Variants in DRP2 observed in about 807,000 individuals in gnomAD.
The protein encoded by DRP2 is dystrophin related protein 2, also known as dystrophin-related protein 2.
Under a neutral mutation model 78.2 loss-of-function variants are expected in DRP2, and 29 were observed. The observed-to-expected ratio is 0.37, with a 90% CI of 0.28 to 0.51. The LOEUF is 0.51. Among genes scored for constraint, DRP2 ranks in the 20% least tolerant of loss-of-function variants. The probability of loss-of-function intolerance (pLI) is 0.94; values close to 1 mark genes in which losing one functional copy is unlikely to be tolerated. For missense variants in DRP2, 686 were observed against 770.6 expected, an observed-to-expected ratio of 0.89 and a Z score of 1.30; for synonymous variants, 290 against 281.9, an observed-to-expected ratio of 1.03 and a Z score of -0.29.
At chrX:101,231,795 T>C in intron 3 of DRP2, 31 bp downstream of exon 3, 3 of 1,137,272 alleles carry the variant, frequency 2.6e-6, no homozygotes, top group Non-Finnish European at 2.4e-6. Flanking sequence ...GAAAGACCTG[T>C]GGAGAAAGTG....
At chrX:101,243,601 A>G (rs1250955071) in intron 9 of DRP2, among the ~76,000 whole-genome samples, 1 of 111,566 alleles carries the variant, frequency 9.0e-6, no homozygotes, top group African/African-American at 3.3e-5. Context: ...TTTTTCAACA[A>G]TATTTATTGA....
intron 22 of DRP2, 69 bp downstream of exon 22, chrX:101,258,615 G>A: frequency 1.0e-6 from 1 of 977,953 alleles, no homozygotes. Context: ...GGAGCTGAGG[G>A]CTGTGGCAAA....
chrX:101,237,514 A>C (rs763011891), intron 4 of DRP2, 105 bp from the exon 5 acceptor site: 21 of 887,219 alleles, frequency 2.4e-5, no homozygotes, highest in African/African-American at 4.1e-5. Context: ...CTCCTCCTGA[A>C]TTTGTTTTCT....
intron 9 of DRP2, among the ~76,000 whole-genome samples, chrX:101,244,487 C>T (rs921217451): frequency 2.7e-5 from 3 of 111,369 alleles, no homozygotes; most frequent in East Asian, 5.6e-4. Flanking sequence ...CTGAGCCATT[C>T]GTGGAAGGTC....
In DRP2 at chrX:101,258,504, G is replaced by A; in HGVS notation, c.2586G>A (p.Gln862=). 1 of 1,189,749 alleles carries A rather than the reference G, an allele frequency of 8.4e-7. No individual in the cohort carries two copies. Among genetic ancestry groups the A allele is most frequent in the Non-Finnish European group, 1.1e-6 (1 of 883,885 alleles). Residue 862 remains glutamine (Q), a synonymous_variant, in exon 22 of 24, where the codon CAG becomes CAA. Transcript: ENST00000395209. ...RMQILEDHNK[Q]LESQLQRLRE... is the part of the protein sequence containing the mutation. The stretch of plus-strand genomic sequence containing the variant: ...AGATCCTCGAAGATCACAACAAGCA[G>A]CTAGAGTCCCAGCTGCAGCGTCTGA...
At chrX:101,259,474 T>A (rs1453283471) in intron 22 of DRP2, among the ~76,000 whole-genome samples, 2 of 110,929 alleles carry the variant, frequency 1.8e-5, no homozygotes, top group African/African-American at 6.6e-5. Context: ...TTAGGTACAA[T>A]GCCATTCTTT....
chrX:101,261,413 C>T lies in DRP2; in HGVS notation c.*792C>T, dbSNP rs754134698. Reference sequence around the variant, plus strand: ...GAGACCCACTGAGTTGCGAGTTGCTCTGGAAACCTGGCTGAAGCCACCCTT... The same window carrying T: ...GAGACCCACTGAGTTGCGAGTTGCTTTGGAAACCTGGCTGAAGCCACCCTT... On this transcript the variant is annotated 3_prime_UTR_variant, in exon 24 of 24. Transcript: ENST00000395209. 1 of 111,060 alleles carries T rather than the reference C, an allele frequency of 9.0e-6. No individual in the cohort carries two copies. The highest frequency in any genetic ancestry group is 1.9e-5 in the Non-Finnish European group (1 of 53,004). 9.2% of individuals were successfully genotyped at this position (111,060 alleles called of 1,213,427 possible).
intron 1 of DRP2, among the ~76,000 whole-genome samples, chrX:101,222,856 A>G (rs777657434): frequency 1.8e-5 from 2 of 111,815 alleles, no homozygotes; most frequent in Non-Finnish European, 3.8e-5. Flanking sequence ...CAAAGTAACC[A>G]CTATCCTGGA....
intron 12 of DRP2, 69 bp downstream of exon 12, chrX:101,247,233 T>C: frequency 9.8e-7 from 1 of 1,025,180 alleles, no homozygotes; most frequent in Non-Finnish European, 1.3e-6. Context: ...GTCTGCTGTT[T>C]CTCATTTTCC....
chrX:101,261,878 G>T lies in DRP2; in HGVS notation c.*1257G>T, dbSNP rs1018176178. Reference sequence around the variant, plus strand: ...ACTGTTCAGAATAGATAGTAGGGGTGGGGGAGTGGGCTTGGGAATGTTGAA... The same window carrying T: ...ACTGTTCAGAATAGATAGTAGGGGTTGGGGAGTGGGCTTGGGAATGTTGAA... On this transcript the variant is annotated 3_prime_UTR_variant, in exon 24 of 24. Transcript: ENST00000395209. 1.8e-5 allele frequency: 2 copies of T among 112,072 alleles called. No individual in the cohort carries two copies. The highest frequency in any genetic ancestry group is 3.2e-5 in the African/African-American group (1 of 30,844). 9.2% of individuals were successfully genotyped at this position (112,072 alleles called of 1,213,427 possible).
Position 101,236,170 on chromosome X carries a change from G to A in DRP2, c.281+147G>A, listed in dbSNP as rs1484722993. ...TTCCTACACTGGCACTGGGGAAACA[G>A]CCTTGCTTTAGAAGTCAGGAGACTT... is the stretch of plus-strand genomic sequence containing the variant. On this transcript the variant is annotated intron_variant, in intron 4 of 23. Transcript: ENST00000395209. 2.0e-5 allele frequency: 12 copies of A among 605,694 alleles called. No individual in the cohort carries two copies. In the Admixed American group the frequency reaches 2.2e-4, roughly 11 times the overall value. 49.9% of individuals were successfully genotyped at this position (605,694 alleles called of 1,213,427 possible).
At position 101,242,078 on chromosome X, in the gene DRP2, G is replaced by A. The variant is rs1442315851; in HGVS notation, c.828+142G>A. The A allele has an allele frequency of 4.9e-6, 4 of 808,837 alleles. No homozygotes were observed. In the African/African-American group the frequency reaches 8.4e-5, roughly 17 times the overall value. The allele number at this position is 808,837 out of a possible 1,213,427, so 66.7% of individuals were successfully genotyped here. On this transcript the variant is annotated intron_variant, in intron 7 of 23. Transcript: ENST00000395209. Reference sequence around the variant, plus strand: ...CTGTCAGTTTATGTGCTAGATTTGGGGCTGGTTTGGCTGGAGTCTCTTCTG... The same window carrying A: ...CTGTCAGTTTATGTGCTAGATTTGGAGCTGGTTTGGCTGGAGTCTCTTCTG...
intron 21 of DRP2, among the ~76,000 whole-genome samples, chrX:101,257,084 G>A (rs1923366412): frequency 9.1e-6 from 1 of 109,997 alleles, no homozygotes; most frequent in Non-Finnish European, 1.9e-5. Context: ...AAGAATACAG[G>A]GAAGACATGA....
intron 2 of DRP2, among the ~76,000 whole-genome samples, chrX:101,229,540 C>G (rs753767651): frequency 6.3e-5 from 7 of 111,046 alleles, no homozygotes; most frequent in African/African-American, 2.3e-4. Context: ...TTTTCTCACT[C>G]GGTAAGTTCT....
chrX:101,240,702 T>C (rs1190036286), intron 6 of DRP2, among the ~76,000 whole-genome samples: 2 of 112,255 alleles, frequency 1.8e-5, no homozygotes, highest in Admixed American at 9.4e-5. Flanking sequence ...CTGAGATGGA[T>C]TGTGAATAGC....
In DRP2 at chrX:101,248,218, A is replaced by G. The variant is rs2147346184; in HGVS notation, c.1382A>G (p.Glu461Gly). 8.3e-7 allele frequency: 1 copy of G among 1,211,647 alleles called. No individual in the cohort carries two copies. The highest frequency in any genetic ancestry group is 3.0e-5 in the East Asian group (1 of 33,835). Residue 461 changes from glutamate (E) to glycine (G), a missense_variant, in exon 13 of 24, where the codon GAA becomes GGA. Coordinates refer to ENST00000395209, the MANE Select transcript of DRP2 (RefSeq NM_001939.3). ...LTALYERLEEERGILVNVPLC... is the reference protein window; with the variant it reads ...LTALYERLEEGRGILVNVPLC... ...GCCTTATATGAACGTTTGGAGGAGG[A>G]AAGAGGCATCCTGGTCAACGTGCCA...
chrX:101,235,824 A>G (rs756134322), intron 3 of DRP2, 36 bp from the exon 4 acceptor site: 1 of 1,183,335 alleles, frequency 8.5e-7, no homozygotes, highest in Non-Finnish European at 1.1e-6. Context: ...GTGTGGCACA[A>G]TCCAAGGATC....
intron 17 of DRP2, among the ~76,000 whole-genome samples, chrX:101,253,892 G>A (rs933741979): frequency 6.3e-5 from 7 of 111,036 alleles, no homozygotes; most frequent in African/African-American, 9.8e-5. Flanking sequence ...CCACCTGCTC[G>A]TCCTCTACAT....
intron 1 of DRP2, among the ~76,000 whole-genome samples, 184 bp downstream of exon 1, chrX:101,220,330 C>A (rs915496309): frequency 9.6e-6 from 1 of 104,585 alleles, no homozygotes; most frequent in East Asian, 3.0e-4. Context: ...TGCCTGCCTG[C>A]GGTCTGCTTG....
Sources: allele counts gnomAD v4.1 joint callset (sites outside exome capture counted in the v4.1 genomes callset), GRCh38; gene constraint gnomAD v4.1.1; transcripts MANE v1.5; gene names NCBI Gene and HGNC (gene_info 2026-07-23, HGNC 2026-07-21).